SH3BP5: variants seen among roughly 807,000 people sequenced by gnomAD.
The protein encoded by SH3BP5 is SH3 domain-binding protein 5.
A neutral mutation model predicts 43.3 loss-of-function variants in SH3BP5; 22 were observed. That is an observed-to-expected ratio of 0.51 (90% CI 0.36 to 0.73). SH3BP5 has a LOEUF of 0.73. Ranked by LOEUF, SH3BP5 falls within the 30% of genes least tolerant of loss-of-function variation. The pLI, the probability that SH3BP5 is intolerant of heterozygous loss-of-function variation, is 0.00. For missense variants in SH3BP5, 529 were observed against 586.9 expected (o/e 0.90, Z 1.02); for synonymous variants, 255 against 225.8 (o/e 1.13, Z -1.16).
chr3:15,280,626 G>A (rs1430642994), intron 3 of SH3BP5, among the ~76,000 whole-genome samples: 1 of 152,040 alleles, frequency 6.6e-6, no homozygotes, highest in Admixed American at 6.6e-5. Context: ...AGCCATCCCC[G>A]ACATCACACT....
intron 3 of SH3BP5, among the ~76,000 whole-genome samples, chr3:15,293,970 C>T (rs1697486863): frequency 6.7e-6 from 1 of 149,108 alleles, no homozygotes; most frequent in South Asian, 2.1e-4. Context: ...CTCAGCTACT[C>T]GGGAGGCTGA....
At chr3:15,326,397 T>C (rs1405047732) in intron 2 of SH3BP5, among the ~76,000 whole-genome samples, 2 of 152,160 alleles carry the variant, frequency 1.3e-5, no homozygotes, top group African/African-American at 4.8e-5. Context: ...TGAGAGCACG[T>C]TAGCAGCTAC....
chr3:15,256,596 T>C (rs1696209346), intron 8 of SH3BP5: 1 of 594,038 alleles, frequency 1.7e-6, no homozygotes, highest in Non-Finnish European at 3.0e-6. Flanking sequence ...ACCTCTCTAC[T>C]ATGTGCTTGC....
At chr3:15,309,234 C>G (rs114718390) in intron 2 of SH3BP5, among the ~76,000 whole-genome samples, 3,115 of 152,164 alleles carry the variant, frequency 0.02, 103 homozygotes, top group African/African-American at 0.07. Flanking sequence ...AGTTAACTGG[C>G]TAGGGGAGAA....
At chr3:15,262,395 C>CA (rs1171841456) in intron 4 of SH3BP5, 106 bp from the exon 5 acceptor site, 1 of 1,384,482 alleles carries the variant, frequency 7.2e-7, no homozygotes, top group African/African-American at 1.4e-5. Flanking sequence ...GGCATGGTGA[C>CA]ACATGTGTAA....
At chr3:15,289,243 C>T (rs1575314039) in intron 3 of SH3BP5, among the ~76,000 whole-genome samples, 2 of 152,200 alleles carry the variant, frequency 1.3e-5, no homozygotes, top group East Asian at 3.8e-4. Context: ...TAAAAGACTC[C>T]AAGTCAAGCC....
At position 15,332,307 on chromosome 3, in the gene SH3BP5, C is replaced by T. The variant is rs112788991; in HGVS notation, c.102G>A (p.Gly34=). ...EEEEEEGMEQ[G]LEEEEEVDPR... ...GATCCACCTCTTCTTCCTCCTCCAG[C>T]CCCTGCTCCATCCCCTCTTCCTCCT... is the stretch of plus-strand genomic sequence containing the variant. Residue 34 remains glycine (G), a synonymous_variant, in exon 1 of 9, where the codon GGG becomes GGA. Coordinates refer to ENST00000383791, the MANE Select transcript of SH3BP5 (RefSeq NM_004844.5). 3 of 1,547,992 alleles carry T rather than the reference C, an allele frequency of 1.9e-6. No individual in the cohort carries two copies. The highest frequency in any genetic ancestry group is 1.2e-5 in the South Asian group (1 of 84,342).
chr3:15,283,381 A>G (rs1189472777), intron 3 of SH3BP5, among the ~76,000 whole-genome samples: 3 of 152,236 alleles, frequency 2.0e-5, no homozygotes, highest in East Asian at 3.8e-4. Context: ...TGAGCAACAG[A>G]GCGAGACCCT....
intron 2 of SH3BP5, among the ~76,000 whole-genome samples, chr3:15,320,542 C>A (rs1021583763): frequency 6.6e-6 from 1 of 150,532 alleles, no homozygotes; most frequent in African/African-American, 2.4e-5. Context: ...AAGGGCTGGG[C>A]AAAGTTACCT....
intron 3 of SH3BP5, among the ~76,000 whole-genome samples, chr3:15,293,735 AAAGTCCCC>A (rs1697478925): frequency 6.6e-6 from 1 of 152,216 alleles, no homozygotes; most frequent in African/African-American, 2.4e-5. Flanking sequence ...CTGTGATGTT[AAAGTCCCC>A]AAGCCTCAGT....
intron 1 of SH3BP5, 188 bp downstream of exon 1, chr3:15,332,083 C>A: frequency 1.1e-6 from 1 of 915,632 alleles, no homozygotes; most frequent in Non-Finnish European, 1.6e-6. Context: ...CGCATCCACG[C>A]GGGCACTGTA....
intron 2 of SH3BP5, 122 bp from the exon 3 acceptor site, chr3:15,304,353 G>A: frequency 2.1e-6 from 3 of 1,441,510 alleles, no homozygotes; most frequent in Non-Finnish European, 2.9e-6. Flanking sequence ...CCCTAAAGTA[G>A]CACCTTTACA....
intron 1 of SH3BP5, chr3:15,330,783 A>G (rs1422210675): frequency 1.0e-5 from 10 of 983,772 alleles, no homozygotes; most frequent in African/African-American, 1.7e-5. Context: ...CCTTTTGACA[A>G]TGTCTTCAGA....
intron 3 of SH3BP5, chr3:15,273,097 CAT>C (rs1401037324): frequency 4.8e-5 from 47 of 979,894 alleles, no homozygotes; most frequent in Admixed American, 6.1e-5. Context: ...ACCCCCTACC[CAT>C]AGGTGGCCTC....
At chr3:15,292,066 C>A (rs1312585817) in intron 3 of SH3BP5, among the ~76,000 whole-genome samples, 8 of 152,200 alleles carry the variant, frequency 5.3e-5, no homozygotes. Context: ...AGAAACACAA[C>A]CTATGCTCTG....
chr3:15,302,757 T>C (rs949769377), intron 3 of SH3BP5, among the ~76,000 whole-genome samples: 1 of 152,136 alleles, frequency 6.6e-6, no homozygotes, highest in African/African-American at 2.4e-5. Flanking sequence ...ACTGTGCACA[T>C]ACACAGTAGG....
At chr3:15,304,533 T>G (rs826424) in intron 2 of SH3BP5, among the ~76,000 whole-genome samples, 92,312 of 152,034 alleles carry the variant, frequency 0.61, 28,098 homozygotes, top group African/African-American at 0.63. Flanking sequence ...ATTTTAATCA[T>G]CTCGGGTGTG....
intron 4 of SH3BP5, among the ~76,000 whole-genome samples, chr3:15,265,804 C>T (rs114392851): frequency 2.2e-3 from 330 of 152,088 alleles, no homozygotes; most frequent in African/African-American, 7.1e-3. Flanking sequence ...CAGCATACTC[C>T]GGAGATGCTG....
Position 15,256,080 on chromosome 3 carries a change from G to GATGA in SH3BP5, c.*2_*5dup. On this transcript the variant is annotated 3_prime_UTR_variant, in exon 9 of 9. Coordinates refer to ENST00000383791, the MANE Select transcript of SH3BP5 (RefSeq NM_004844.5). ...GATATGCACATCGGCCAGGGCCCAGGATGAATCAGCCAATCTGCACCATTT... is the reference window on the plus strand; with the variant it reads ...GATATGCACATCGGCCAGGGCCCAGGATGAATGAATCAGCCAATCTGCACCATTT... 2 of 1,608,362 alleles carry GATGA rather than the reference G, an allele frequency of 1.2e-6. No individual in the cohort carries two copies. Among genetic ancestry groups the GATGA allele is most frequent in the South Asian group, 2.2e-5 (2 of 90,880 alleles).
Sources: allele counts gnomAD v4.1 joint callset (sites outside exome capture counted in the v4.1 genomes callset), GRCh38; gene constraint gnomAD v4.1.1; transcripts MANE v1.5; gene names NCBI Gene and HGNC (gene_info 2026-07-23, HGNC 2026-07-21).